Variants in PPFIBP1 observed in about 807,000 individuals in gnomAD.
PPFIBP1 encodes PPFIB scaffold protein 1, also known as liprin-beta-1.
PPFIBP1 carries 112 observed loss-of-function variants against 137.8 expected under a neutral mutation model. The ratio of observed to expected loss-of-function variants is 0.81; its 90% CI spans 0.70 to 0.95. The LOEUF (loss-of-function observed/expected upper bound fraction) is 0.95. Among genes scored for constraint, PPFIBP1 ranks in the 40% least tolerant of loss-of-function variants. The pLI, the probability that PPFIBP1 is intolerant of heterozygous loss-of-function variation, is 0.00. For synonymous variants in PPFIBP1, 378 were observed against 417.3 expected (o/e 0.91, Z 1.15); for missense variants, 1,083 against 1,196.6 (o/e 0.91, Z 1.40).
chr12:27,562,622 C>G (rs2049259421), intron 1 of PPFIBP1, among the ~76,000 whole-genome samples: 1 of 152,144 alleles, frequency 6.6e-6, no homozygotes, highest in Non-Finnish European at 1.5e-5. Context: ...TCCCTACTCC[C>G]ATTACTACTA....
intron 24 of PPFIBP1, among the ~76,000 whole-genome samples, chr12:27,685,968 TAAAG>T (rs2061178466): frequency 6.6e-6 from 1 of 152,206 alleles, no homozygotes; most frequent in Admixed American, 6.5e-5. Context: ...CTTCGAAGTA[TAAAG>T]AATTTCAAAA....
chr12:27,538,277 T>G (rs1945272666), intron 1 of PPFIBP1: 1 of 152,256 alleles, frequency 6.6e-6, no homozygotes, highest in Non-Finnish European at 1.5e-5. Context: ...AACTCACTCG[T>G]GCAGGAACTT....
At chr12:27,671,679 G>T (rs28491099) in intron 14 of PPFIBP1, 133 bp downstream of exon 14, 2 of 567,450 alleles carry the variant, frequency 3.5e-6, no homozygotes, top group African/African-American at 2.0e-5. Flanking sequence ...TCCACTGGGG[G>T]ATCTGTAATC....
chr12:27,667,009 A>ATTGT (rs1555236033), intron 12 of PPFIBP1, among the ~76,000 whole-genome samples, 157 bp from the exon 13 acceptor site: 2 of 152,148 alleles, frequency 1.3e-5, no homozygotes, highest in Non-Finnish European at 2.9e-5. Context: ...CCTAGGTCCT[A>ATTGT]TGTTGTTTTT....
chr12:27,692,458 C>T, intron 28 of PPFIBP1, 133 bp from the exon 29 acceptor site: 2 of 781,584 alleles, frequency 2.6e-6, no homozygotes, highest in East Asian at 2.6e-5. Flanking sequence ...GAGATTATCA[C>T]CAGAAGTGTT....
chr12:27,659,064 C>T (rs897854835), intron 10 of PPFIBP1, among the ~76,000 whole-genome samples: 14 of 152,140 alleles, frequency 9.2e-5, no homozygotes, highest in African/African-American at 1.4e-4. Context: ...TCAACCTTTC[C>T]GCTCTACAGT....
At chr12:27,645,425 A>T (rs181784715) in intron 4 of PPFIBP1, among the ~76,000 whole-genome samples, 7 of 141,460 alleles carry the variant, frequency 4.9e-5, no homozygotes, top group Admixed American at 2.1e-4. Context: ...ACGCATAAAT[A>T]TACTGAAACA....
intron 19 of PPFIBP1, among the ~76,000 whole-genome samples, chr12:27,678,876 A>AAAAAAC (rs2060703695): frequency 1.9e-5 from 2 of 106,712 alleles, no homozygotes; most frequent in East Asian, 5.4e-4. Context: ...AAAAAAAAAA[A>AAAAAAC]AAAAACATTT....
chr12:27,627,517 A>G (rs1404326796), intron 2 of PPFIBP1, among the ~76,000 whole-genome samples: 1 of 152,186 alleles, frequency 6.6e-6, no homozygotes, highest in African/African-American at 2.4e-5. Context: ...TTCAAGCCCA[A>G]GCATTTTACC....
Position 27,664,439 on chromosome 12 carries a change from TA to T in PPFIBP1, c.990del (p.Gly331AlafsTer36). 6.2e-7 allele frequency: 1 copy of T among 1,607,564 alleles called. No individual in the cohort carries two copies. The highest frequency in any genetic ancestry group is 8.5e-7 in the Non-Finnish European group (1 of 1,175,932). ...MQDTVVLAQGKKGKDGEYEEL... is the reference protein window; with the variant it reads ...MQDTVVLAQGXKGKDGEYEEL... ...AAGACACGGTGGTACTGGCCCAAGG[TA>T]AAAAAGGTAGAGTGTAGCTCTAAAA... On this transcript the variant is annotated frameshift_variant, in exon 12 of 30. Coordinates refer to ENST00000228425, the MANE Select transcript of PPFIBP1 (RefSeq NM_003622.4). LOFTEE classifies it high-confidence loss of function.
chr12:27,543,082 G>T (rs1361375527), intron 1 of PPFIBP1, among the ~76,000 whole-genome samples: 1 of 152,114 alleles, frequency 6.6e-6, no homozygotes, highest in South Asian at 2.1e-4. Context: ...TAAAAGTTAG[G>T]TTAGATTTGA....
chr12:27,650,121 G>A lies in PPFIBP1; in HGVS notation c.583G>A (p.Asp195Asn). The change falls in exon 7 of 30, where the codon GAT becomes AAT. Residue 195 changes from aspartate (D) to asparagine (N), a missense_variant. Physicochemically the swap from Asp to Asn is conservative, Grantham distance 23. Transcript: ENST00000228425. ...AGAGAAGGACAGATTGGATTATGAA[G>A]ATAAGTTCAGAGACACAGAGGTGAG... ...AVEKDRLDYE[D>N]KFRDTEGLIQ... 1 of 1,606,526 alleles carries A rather than the reference G, an allele frequency of 6.2e-7. No homozygotes were observed. The highest frequency in any genetic ancestry group is 8.5e-7 in the Non-Finnish European group (1 of 1,173,568).
At chr12:27,641,358 G>A (rs2058092903) in intron 4 of PPFIBP1, among the ~76,000 whole-genome samples, 1 of 152,074 alleles carries the variant, frequency 6.6e-6, no homozygotes, top group African/African-American at 2.4e-5. Context: ...AGGGGAAACA[G>A]GAAAGACAAC....
intron 4 of PPFIBP1, 96 bp downstream of exon 4, chr12:27,635,211 G>C: frequency 8.5e-7 from 1 of 1,176,442 alleles, no homozygotes; most frequent in African/African-American, 1.5e-5. Context: ...GAAAAGTTTA[G>C]GGCAACACAT....
At chr12:27,568,512 A>T (rs1239692388) in intron 1 of PPFIBP1, among the ~76,000 whole-genome samples, 3 of 152,174 alleles carry the variant, frequency 2.0e-5, no homozygotes, top group African/African-American at 7.2e-5. Context: ...AGGATGAGGG[A>T]TGGAAGTGGA....
chr12:27,644,718 T>C (rs2058354892), intron 4 of PPFIBP1, among the ~76,000 whole-genome samples: 1 of 152,182 alleles, frequency 6.6e-6, no homozygotes, highest in African/African-American at 2.4e-5. Context: ...CAGTTAACAA[T>C]ATGAGCAGAA....
chr12:27,627,076 C>A (rs1209074402), intron 2 of PPFIBP1, among the ~76,000 whole-genome samples: 1 of 152,114 alleles, frequency 6.6e-6, no homozygotes, highest in Non-Finnish European at 1.5e-5. Context: ...GGGTATCTAT[C>A]ACCTCAAGCA....
In PPFIBP1 at chr12:27,658,863, A is replaced by C. The variant is rs757139866; in HGVS notation, c.844+15A>C. The C allele has an allele frequency of 2.5e-6, 4 of 1,610,604 alleles. No homozygotes were observed. Among genetic ancestry groups the C allele is most frequent in the Middle Eastern group, 1.7e-4 (1 of 6,056 alleles). On this transcript the variant is annotated intron_variant, in intron 10 of 29. Transcript: ENST00000228425. ...CAAAGAAAAAAGTAAGGTTTGGTGC[A>C]TTTCCATCAGCCTTTACATTCACCA...
In PPFIBP1 at chr12:27,574,260, G is replaced by C. The variant is rs568291017; in HGVS notation, c.-123-3892G>C. 3.3e-5 allele frequency among the ~76,000 whole-genome samples: 5 copies of C among 152,212 alleles called. No individual in the cohort carries two copies. In the South Asian group the frequency reaches 8.3e-4, roughly 25 times the overall value. ...GATAGAGCTCTTTTTGCCAGGCTAT[G>C]AGAACAATCTTTCCGTAAAGTCTGT... On this transcript the variant is annotated intron_variant, in intron 1 of 29. Coordinates refer to ENST00000228425, the MANE Select transcript of PPFIBP1 (RefSeq NM_003622.4).
Sources: allele counts gnomAD v4.1 joint callset (sites outside exome capture counted in the v4.1 genomes callset), GRCh38; gene constraint gnomAD v4.1.1; transcripts MANE v1.5; gene names NCBI Gene and HGNC (gene_info 2026-07-23, HGNC 2026-07-21).